The following NBN variants were observed in gnomAD, a reference collection of about 807,000 sequenced individuals.
NBN encodes the protein nibrin.
Under a neutral mutation model 90.8 loss-of-function variants are expected in NBN, and 88 were observed. The observed-to-expected ratio is 0.97, with a 90% confidence interval of 0.82 to 1.16. The LOEUF is 1.16. Among genes scored for constraint, NBN ranks in the 50% most tolerant of loss-of-function variants. NBN has a pLI of 0.00. For missense variants in NBN, 894 were observed against 869.6 expected (o/e 1.03, Z -0.35); for synonymous variants, 328 against 295.1 (o/e 1.11, Z -1.14).
At position 89,981,359 on chromosome 8, in the gene NBN, T is replaced by C. The variant is rs1461131932; in HGVS notation, c.320+16A>G. 6 of 1,612,070 alleles carry C rather than the reference T, an allele frequency of 3.7e-6. No individual in the cohort carries two copies. Among genetic ancestry groups the C allele is most frequent in the South Asian group, 3.3e-5 (3 of 91,040 alleles). The stretch of plus-strand genomic sequence containing the variant: ...ACAAAGCTGTCCATTTTAAAATCAA[T>C]TTTAAAATGTCTTACCTGAATTTAC... On this transcript the variant is annotated intron_variant, in intron 3 of 15. Coordinates refer to ENST00000265433, the MANE Select transcript of NBN (RefSeq NM_002485.5).
intron 8 of NBN, 22 bp from the exon 9 acceptor site, chr8:89,958,876 A>T: frequency 6.2e-7 from 1 of 1,612,802 alleles, no homozygotes; most frequent in Non-Finnish European, 8.5e-7. Flanking sequence ...ACAAGTAGAA[A>T]GAAAGAATCA....
intron 13 of NBN, 174 bp from the exon 14 acceptor site, chr8:89,943,540 T>G (rs1351514439): frequency 1.6e-5 from 3 of 187,900 alleles, no homozygotes; most frequent in Non-Finnish European, 3.0e-5. Flanking sequence ...GTTTTTGCCC[T>G]TCTTTTATAG....
Position 89,934,300 on chromosome 8 carries a change from ACT to A in NBN, c.*1280_*1281del. On this transcript the variant is annotated 3_prime_UTR_variant, in exon 16 of 16. Transcript: ENST00000265433. ...CACTATCATAATTTAAGTGTTCATA[ACT>A]CTCTATAATATTTCAATAATCTAAC... 1 of 232,450 alleles carries A rather than the reference ACT, an allele frequency of 4.3e-6. No homozygotes were observed. The highest frequency in any genetic ancestry group is 8.5e-6 in the Non-Finnish European group (1 of 117,608). 14.4% of individuals were successfully genotyped at this position (232,450 alleles called of 1,614,324 possible).
At chr8:89,969,877 G>A (rs1240990194) in intron 7 of NBN, among the ~76,000 whole-genome samples, 1 of 152,068 alleles carries the variant, frequency 6.6e-6, no homozygotes, top group Non-Finnish European at 1.5e-5. Context: ...TTTGAACCCA[G>A]AAGGCAGAGG....
chr8:89,984,566 C>A lies in NBN; in HGVS notation c.-5G>T. The stretch of plus-strand genomic sequence containing the variant: ...GGCGGGCAGCAGTTTCCACATCGGT[C>A]CGGCTCCTCAGGGCTGGGGCCGACG... On this transcript the variant is annotated 5_prime_UTR_variant, in exon 1 of 16. Coordinates refer to ENST00000265433, the MANE Select transcript of NBN (RefSeq NM_002485.5). The A allele has an allele frequency of 6.2e-7, 1 of 1,613,048 alleles. No individual in the cohort carries two copies. Among genetic ancestry groups the A allele is most frequent in the Non-Finnish European group, 8.5e-7 (1 of 1,179,784 alleles).
chr8:89,953,132 A>G, intron 11 of NBN, 112 bp downstream of exon 11: 1 of 788,072 alleles, frequency 1.3e-6, no homozygotes, highest in African/African-American at 1.7e-5. Context: ...TTTCTATAGT[A>G]CTGAGTGTTA....
rs1407436350 is a variant in NBN at position 89,971,271 on chromosome 8, CAT to C, written c.602_603del (p.Asp201GlyfsTer7). On this transcript the variant is annotated frameshift_variant, in exon 6 of 16. Coordinates refer to ENST00000265433, the MANE Select transcript of NBN (RefSeq NM_002485.5). LOFTEE classifies it high-confidence loss of function. ...ACATTTTTACTTCCAATAGATGGTT[CAT>C]CAAGAGGTGGGTAAAAACTGTAAAA... Reference protein sequence around the residue: ...PQIESFYPPLDEPSIGSKNVD... With the variant: ...PQIESFYPPLXEPSIGSKNVD... 3 of 1,612,426 alleles carry C rather than the reference CAT, an allele frequency of 1.9e-6. No individual in the cohort carries two copies. In the Admixed American group the frequency reaches 5.0e-5, roughly 27 times the overall value.
intron 7 of NBN, among the ~76,000 whole-genome samples, chr8:89,967,969 A>G (rs1017505968): frequency 6.6e-4 from 100 of 152,262 alleles, no homozygotes; most frequent in African/African-American, 2.3e-3. Context: ...TCCAAAAAAC[A>G]TATTGTGGCC....
Position 89,935,143 on chromosome 8 carries a change from G to A in NBN, c.*439C>T, listed in dbSNP as rs1336819676. 2 of 259,660 alleles carry A rather than the reference G, an allele frequency of 7.7e-6. No homozygotes were observed. Among genetic ancestry groups the A allele is most frequent in the Non-Finnish European group, 1.5e-5 (2 of 133,898 alleles). The allele number at this position is 259,660 out of a possible 1,614,324, so 16.1% of individuals were successfully genotyped here. A position where few individuals can be genotyped will look rare whatever the true frequency, so the allele number is the denominator to read the frequency against. On this transcript the variant is annotated 3_prime_UTR_variant, in exon 16 of 16. Transcript: ENST00000265433. The stretch of plus-strand genomic sequence containing the variant: ...AAGCAAGGTGTAGAACACTGCATAT[G>A]TTATGCTATCATTTGTGTAGGAAAT...
chr8:89,953,727 AAAATG>A, intron 10 of NBN, 36 bp from the exon 11 acceptor site: 1 of 1,518,444 alleles, frequency 6.6e-7, no homozygotes. Flanking sequence ...ACAAAACAAG[AAAATG>A]AACACAGCTA....
At chr8:89,936,032 T>G in intron 15 of NBN, 3 of 371,498 alleles carry the variant, frequency 8.1e-6, no homozygotes, top group South Asian at 6.3e-5. Flanking sequence ...TAAACAAATA[T>G]GGCTGAACAA....
At chr8:89,955,769 C>T (rs915380158) in intron 9 of NBN, among the ~76,000 whole-genome samples, 4 of 152,050 alleles carry the variant, frequency 2.6e-5, no homozygotes, top group African/African-American at 9.7e-5. Context: ...TCTTCACCCC[C>T]TACAGCACAT....
chr8:89,984,583 G>C lies in NBN; in HGVS notation c.-22C>G. The C allele has an allele frequency of 3.1e-6, 5 of 1,612,336 alleles. No homozygotes were observed. The highest frequency in any genetic ancestry group is 4.2e-6 in the Non-Finnish European group (5 of 1,179,546). ...ACATCGGTCCGGCTCCTCAGGGCTG[G>C]GGCCGACGTGCAACCGCGTAACCGG... On this transcript the variant is annotated 5_prime_UTR_variant, in exon 1 of 16. Coordinates refer to ENST00000265433, the MANE Select transcript of NBN (RefSeq NM_002485.5).
chr8:89,935,105 C>G lies in NBN; in HGVS notation c.*477G>C, dbSNP rs1257604018. ...TATTGATATTCCTATAATTTTTAAT[C>G]TACTAAGTAAAAAAGCAAGGTGTAG... On this transcript the variant is annotated 3_prime_UTR_variant, in exon 16 of 16. Coordinates refer to ENST00000265433, the MANE Select transcript of NBN (RefSeq NM_002485.5). 1 of 233,516 alleles carries G rather than the reference C, an allele frequency of 4.3e-6. No homozygotes were observed. Among genetic ancestry groups the G allele is most frequent in the Non-Finnish European group, 8.4e-6 (1 of 118,598 alleles). The allele number at this position is 233,516 out of a possible 1,614,324, so 14.5% of individuals were successfully genotyped here.
intron 8 of NBN, 80 bp from the exon 9 acceptor site, chr8:89,958,934 C>T (rs1054274893): frequency 6.5e-7 from 1 of 1,545,982 alleles, no homozygotes; most frequent in African/African-American, 1.4e-5. Flanking sequence ...AATTGTTAGA[C>T]TATACCATGC....
intron 11 of NBN, among the ~76,000 whole-genome samples, chr8:89,952,982 G>A (rs1163498288): frequency 6.6e-6 from 1 of 152,066 alleles, no homozygotes; most frequent in South Asian, 2.1e-4. Context: ...ATAGCCAAAT[G>A]TCTTTTATAA....
At chr8:89,954,783 G>C (rs1810619074) in intron 10 of NBN, among the ~76,000 whole-genome samples, 1 of 152,060 alleles carries the variant, frequency 6.6e-6, no homozygotes, top group Non-Finnish European at 1.5e-5. Context: ...TCTTTTCTGA[G>C]AAGCTTAACG....
chr8:89,960,649 AAATAAT>A (rs372267152), intron 8 of NBN, among the ~76,000 whole-genome samples: 9 of 151,722 alleles, frequency 5.9e-5, no homozygotes, highest in African/African-American at 1.7e-4. Flanking sequence ...AGACTTTATG[AAATAAT>A]AATAATAATA....
At chr8:89,955,178 G>GA in intron 10 of NBN, 105 bp downstream of exon 10, 3 of 1,137,498 alleles carry the variant, frequency 2.6e-6, no homozygotes, top group Non-Finnish European at 3.9e-6. Context: ...TGCAGCAGCA[G>GA]AAGCATACTT....
Sources: gnomAD v4.1 joint callset for allele counts (sites outside exome capture counted in the v4.1 genomes callset) on GRCh38, gnomAD v4.1.1 for gene constraint, MANE v1.5 for transcripts, NCBI Gene and HGNC (gene_info 2026-07-23, HGNC 2026-07-21) for gene names.